The following HLCS variants were observed in gnomAD, a reference collection of about 807,000 sequenced individuals.
HLCS encodes biotin--protein ligase.
HLCS carries 53 observed loss-of-function variants against 75.0 expected under a neutral mutation model. That is an observed-to-expected ratio of 0.71 (90% CI 0.57 to 0.89). The LOEUF (loss-of-function observed/expected upper bound fraction) is 0.89, where lower values mean the gene tolerates loss of function less well. Among genes scored for constraint, HLCS ranks in the 40% least tolerant of loss-of-function variants. HLCS has a pLI of 0.00. For missense variants in HLCS, 966 were observed against 1,074.0 expected (o/e 0.90, Z 1.41); for synonymous variants, 431 against 428.6 (o/e 1.01, Z -0.07).
At chr21:36,955,585 C>A (rs183796216) in intron 2 of HLCS, among the ~76,000 whole-genome samples, 2 of 151,272 alleles carry the variant, frequency 1.3e-5, no homozygotes, top group Non-Finnish European at 2.9e-5. Context: ...GCTGTTATTA[C>A]GAAAGAATCA....
intron 6 of HLCS, among the ~76,000 whole-genome samples, chr21:36,769,460 A>T (rs932792979): frequency 6.6e-6 from 1 of 152,224 alleles, no homozygotes; most frequent in Non-Finnish European, 1.5e-5. Context: ...ATGCATTTCC[A>T]TCCTTAGCGG....
At chr21:36,812,352 T>A (rs1471461244) in intron 6 of HLCS, among the ~76,000 whole-genome samples, 2 of 152,222 alleles carry the variant, frequency 1.3e-5, no homozygotes, top group East Asian at 3.8e-4. Flanking sequence ...ACACAGAGTA[T>A]GTTAGCTAAA....
At chr21:36,966,923 C>T, upstream of HLCS, among the ~76,000 whole-genome samples, 1 of 150,124 alleles carries the variant, frequency 6.7e-6, no homozygotes, top group Non-Finnish European at 1.5e-5. Flanking sequence ...GGGGGGTGTG[C>T]ACCGGGGTCA....
intron 6 of HLCS, among the ~76,000 whole-genome samples, chr21:36,873,427 T>C (rs1403234684): frequency 2.0e-5 from 3 of 152,248 alleles, no homozygotes; most frequent in Non-Finnish European, 4.4e-5. Flanking sequence ...TTGCTGGCAT[T>C]CTTAATTTGT....
At chr21:36,833,133 A>G (rs2146058181) in intron 6 of HLCS, among the ~76,000 whole-genome samples, 1 of 152,028 alleles carries the variant, frequency 6.6e-6, no homozygotes, top group Admixed American at 6.5e-5. Context: ...TGATCCTCCC[A>G]GCTCAGCTTC....
chr21:36,772,638 CAAAAAAA>C (rs34788426), intron 6 of HLCS, among the ~76,000 whole-genome samples: 1 of 80,874 alleles, frequency 1.2e-5, no homozygotes, highest in Non-Finnish European at 2.4e-5. Context: ...GACACTGTCT[CAAAAAAA>C]AAAAAAAAAA....
intron 6 of HLCS, among the ~76,000 whole-genome samples, chr21:36,785,987 G>A (rs2060674607): frequency 6.6e-6 from 1 of 152,158 alleles, no homozygotes; most frequent in African/African-American, 2.4e-5. Context: ...CTGTGGCCCT[G>A]AGAGCTGCAG....
chr21:36,773,657 C>G (rs16994438), intron 6 of HLCS, among the ~76,000 whole-genome samples: 2,946 of 152,228 alleles, frequency 0.019, 88 homozygotes, highest in African/African-American at 0.064. Context: ...TCTTAGCTTA[C>G]AGAGAGACAC....
At chr21:36,947,823 G>A in intron 2 of HLCS, 2 of 985,504 alleles carry the variant, frequency 2.0e-6, no homozygotes, top group South Asian at 4.7e-5. Flanking sequence ...TCTGCAGTGA[G>A]TGGGGAACAG....
intron 6 of HLCS, among the ~76,000 whole-genome samples, chr21:36,787,905 C>A (rs2060739719): frequency 6.6e-6 from 1 of 152,174 alleles, no homozygotes; most frequent in Admixed American, 6.5e-5. Context: ...TGACCAGACC[C>A]ACCCCCTACC....
intron 6 of HLCS, among the ~76,000 whole-genome samples, chr21:36,882,374 G>A (rs190386098): frequency 2.9e-4 from 44 of 152,122 alleles, no homozygotes; most frequent in Non-Finnish European, 3.1e-4. Context: ...CACCAACATC[G>A]CACAAGCTGC....
chr21:36,891,895 T>C (rs1409095975), intron 6 of HLCS, among the ~76,000 whole-genome samples: 1 of 152,166 alleles, frequency 6.6e-6, no homozygotes, highest in Non-Finnish European at 1.5e-5. Flanking sequence ...CCAGAAGCCT[T>C]GTGCCAAAGA....
chr21:36,780,726 G>A (rs1430389868), intron 6 of HLCS, among the ~76,000 whole-genome samples: 1 of 152,054 alleles, frequency 6.6e-6, no homozygotes, highest in Non-Finnish European at 1.5e-5. Context: ...AAACACACTG[G>A]TAGCTTTATC....
intron 2 of HLCS, among the ~76,000 whole-genome samples, chr21:36,953,265 T>G (rs1448532981): frequency 6.6e-6 from 1 of 152,144 alleles, no homozygotes; most frequent in African/African-American, 2.4e-5. Flanking sequence ...CCAAGATGGA[T>G]CACAGTTTTA....
At chr21:36,759,054 T>C (rs146424162) in intron 9 of HLCS, 61 of 469,474 alleles carry the variant, frequency 1.3e-4, no homozygotes, top group Admixed American at 7.1e-4. Context: ...TATTGCCCCT[T>C]GGTGGCAGAG....
chr21:36,756,449 T>TC (rs2089592409), intron 10 of HLCS, 93 bp downstream of exon 10: 1 of 473,546 alleles, frequency 2.1e-6, no homozygotes, highest in African/African-American at 6.4e-5. Flanking sequence ...AGACTCCGTC[T>TC]CAAAAAAAAA....
chr21:36,904,051 G>A (rs2065348629), intron 5 of HLCS, among the ~76,000 whole-genome samples: 1 of 152,062 alleles, frequency 6.6e-6, no homozygotes, highest in Non-Finnish European at 1.5e-5. Context: ...CACACTCTTG[G>A]ATTTTCCAGT....
At chr21:36,977,117 A>G (rs2068958570) in intron 1 of HLCS, among the ~76,000 whole-genome samples, 1 of 152,038 alleles carries the variant, frequency 6.6e-6, no homozygotes, top group South Asian at 2.1e-4. Flanking sequence ...TAGAACTGCT[A>G]GCTCTTTTAC....
chr21:36,877,568 T>G (rs999061563), intron 6 of HLCS, among the ~76,000 whole-genome samples: 2 of 152,204 alleles, frequency 1.3e-5, no homozygotes, highest in African/African-American at 4.8e-5. Context: ...AGTTGTCATA[T>G]GTATTCTACC....
Sources: gnomAD v4.1 joint callset for allele counts (sites outside exome capture counted in the v4.1 genomes callset) on GRCh38, gnomAD v4.1.1 for gene constraint, MANE v1.5 for transcripts, NCBI Gene and HGNC (gene_info 2026-07-23, HGNC 2026-07-21) for gene names.